MSMO1: variants seen among roughly 807,000 people sequenced by gnomAD.
The protein encoded by MSMO1 is C-4 methylsterol oxidase.
Under a neutral mutation model 30.4 loss-of-function variants are expected in MSMO1, and 18 were observed. That is an observed-to-expected ratio of 0.59 (90% CI 0.41 to 0.88). The LOEUF (loss-of-function observed/expected upper bound fraction) is 0.88, where lower values mean the gene tolerates loss of function less well. Among genes scored for constraint, MSMO1 ranks in the 40% least tolerant of loss-of-function variants. The pLI is 0.00. For synonymous variants in MSMO1, 84 were observed against 107.9 expected (o/e 0.78, Z 1.37); for missense variants, 284 against 340.5 (o/e 0.83, Z 1.31).
chr4:165,338,372 C>T (rs1211976826), intron 3 of MSMO1, among the ~76,000 whole-genome samples: 1 of 151,144 alleles, frequency 6.6e-6, no homozygotes, highest in African/African-American at 2.4e-5. Context: ...ACTCATGCGT[C>T]ACTTAACGGA....
chr4:165,327,809 AG>A (rs1747278305), intron 1 of MSMO1, 45 bp downstream of exon 1: 1 of 152,176 alleles, frequency 6.6e-6, no homozygotes. Context: ...AAGGGGGAGC[AG>A]GCGGGCTCCC....
chr4:165,330,890 T>G (rs752147535), intron 1 of MSMO1, among the ~76,000 whole-genome samples: 6 of 152,164 alleles, frequency 3.9e-5, no homozygotes, highest in Admixed American at 6.5e-5. Flanking sequence ...CATGCCCAGC[T>G]GAGTTAAGCA....
rs112289340 is a variant in MSMO1 at position 165,331,585 on chromosome 4, G to C, written c.-31-1755G>C. ...AGGAGGACGGCCTGAAGTGAATTCA[G>C]ATGCCTGGAGGAGTTGGCTAGGTTC... On this transcript the variant is annotated intron_variant, in intron 1 of 5. Coordinates refer to ENST00000261507, the MANE Select transcript of MSMO1 (RefSeq NM_006745.5). Among the ~76,000 whole-genome samples the C allele has an allele frequency of 4.3e-3, 651 of 152,316 alleles. 8 individuals carry two copies. Among genetic ancestry groups the C allele is most frequent in the East Asian group, 0.034 (178 of 5,174 alleles).
At chr4:165,338,815 G>A in intron 4 of MSMO1, 37 bp downstream of exon 4, 2 of 1,522,734 alleles carry the variant, frequency 1.3e-6, no homozygotes, top group Non-Finnish European at 1.8e-6. Context: ...TCTGTTAGAG[G>A]CAAAATGTCT....
intron 2 of MSMO1, 22 bp from the exon 3 acceptor site, chr4:165,337,767 A>G (rs1241902783): frequency 1.9e-6 from 3 of 1,611,792 alleles, no homozygotes; most frequent in African/African-American, 1.3e-5. Flanking sequence ...CTAATATTAG[A>G]TATTGTGATT....
At chr4:165,334,179 G>A (rs7670057) in intron 2 of MSMO1, among the ~76,000 whole-genome samples, 36,310 of 152,030 alleles carry the variant, frequency 0.24, 5,141 homozygotes, top group South Asian at 0.42. Flanking sequence ...TTGCAATTCC[G>A]TGTGTATTTT....
At chr4:165,340,766 A>G (rs1019601731) in intron 5 of MSMO1, 3 of 169,182 alleles carry the variant, frequency 1.8e-5, no homozygotes, top group African/African-American at 7.2e-5. Flanking sequence ...CTTGTAACAC[A>G]TACATATTTC....
chr4:165,333,275 T>C (rs1747448872), intron 1 of MSMO1, 65 bp from the exon 2 acceptor site: 2 of 1,367,038 alleles, frequency 1.5e-6, no homozygotes, highest in Non-Finnish European at 2.0e-6. Flanking sequence ...AGGATGCATT[T>C]TTTAACTGTT....
Position 165,340,717 on chromosome 4 carries a change from T to C in MSMO1, c.686+342T>C, listed in dbSNP as rs1188790225. ...GAATAAGACTTTCTAATCTCTACTGTTCAGCACTGATAAAGGCACTTGCAA... is the reference window on the plus strand; with the variant it reads ...GAATAAGACTTTCTAATCTCTACTGCTCAGCACTGATAAAGGCACTTGCAA... On this transcript the variant is annotated intron_variant, in intron 5 of 5. Transcript: ENST00000261507. 2.1e-5 allele frequency: 5 copies of C among 239,544 alleles called. No homozygotes were observed. The East Asian group carries it at 5.1e-4, about 24-fold the overall frequency. 14.8% of individuals were successfully genotyped at this position (239,544 alleles called of 1,614,324 possible). A position where few individuals can be genotyped will look rare whatever the true frequency, so the allele number is the denominator to read the frequency against.
chr4:165,331,598 G>A (rs1230980985), intron 1 of MSMO1, among the ~76,000 whole-genome samples: 1 of 152,182 alleles, frequency 6.6e-6, no homozygotes, highest in Non-Finnish European at 1.5e-5. Context: ...GCCTGGAGGA[G>A]TTGGCTAGGT....
intron 1 of MSMO1, among the ~76,000 whole-genome samples, chr4:165,331,141 C>CA (rs914557681): frequency 6.6e-6 from 1 of 151,570 alleles, no homozygotes; most frequent in Non-Finnish European, 1.5e-5. Context: ...CCTGTCTCCA[C>CA]AAAAAATTAA....
intron 1 of MSMO1, among the ~76,000 whole-genome samples, chr4:165,328,947 C>T (rs1560845292): frequency 6.6e-6 from 1 of 152,178 alleles, no homozygotes; most frequent in Non-Finnish European, 1.5e-5. Flanking sequence ...GGAGCACATA[C>T]TGAACCTTTG....
rs767747197 is a variant in MSMO1, at chr4:165,333,437, C to G, written c.67C>G (p.Leu23Val). The G allele has an allele frequency of 2.3e-5, 37 of 1,612,132 alleles. No homozygotes were observed. The East Asian group carries it at 8.3e-4, about 36-fold the overall frequency. Residue 23 changes from leucine (L) to valine (V), a missense_variant, in exon 2 of 6, where the codon CTT (leucine) becomes GTT (valine). Leu to Val is a conservative substitution (Grantham distance 32). Transcript: ENST00000261507. The stretch of plus-strand genomic sequence containing the variant: ...CTTGGCTGTGGAATATGTAGATTCA[C>G]TTTTACCTGAGAATCCTCTGCAAGA... ...ASLAVEYVDS[L>V]LPENPLQEPF... is the part of the protein sequence containing the mutation.
chr4:165,339,688 A>G (rs781197904), intron 4 of MSMO1, among the ~76,000 whole-genome samples: 9 of 152,168 alleles, frequency 5.9e-5, no homozygotes, highest in Non-Finnish European at 1.0e-4. Flanking sequence ...ATCACTACAT[A>G]TAGAATCAAT....
intron 1 of MSMO1, among the ~76,000 whole-genome samples, chr4:165,331,874 A>G (rs892187140): frequency 5.3e-5 from 8 of 152,162 alleles, no homozygotes; most frequent in Non-Finnish European, 1.0e-4. Flanking sequence ...AAATTGTGCA[A>G]AAGACATATG....
Position 165,338,650 on chromosome 4 carries a change from AGGTATTTTCTTTT to A in MSMO1, c.406_418del (p.Tyr136GlnfsTer54). 6.2e-7 allele frequency: 1 copy of A among 1,607,512 alleles called. No homozygotes were observed. Among genetic ancestry groups the A allele is most frequent in the Non-Finnish European group, 8.5e-7 (1 of 1,174,164 alleles). ...ACACATTACAACATTTTTATCTTAAAGGTATTTTCTTTTGGCAAGATGCTTTGGTTGTGCAGTC... is the reference window on the plus strand; with the variant it reads ...ACACATTACAACATTTTTATCTTAAAGGCAAGATGCTTTGGTTGTGCAGTC... On this transcript the variant is annotated splice_acceptor_variant and coding_sequence_variant, in exon 4 of 6. Coordinates refer to ENST00000261507, the MANE Select transcript of MSMO1 (RefSeq NM_006745.5). LOFTEE classifies it high-confidence loss of function.
At position 165,342,098 on chromosome 4, in the gene MSMO1, G is replaced by T. The variant is rs568599589; in HGVS notation, c.*152G>T. The T allele has an allele frequency of 9.3e-6, 6 of 648,050 alleles. No individual in the cohort carries two copies. In the East Asian group the frequency reaches 1.7e-4, roughly 18 times the overall value. The allele number at this position is 648,050 out of a possible 1,614,324, so 40.1% of individuals were successfully genotyped here. ...CAACCTTTAATTACCTTCCTAGTGGGAACTTTTTCTACTTTACCTACAAGT... is the reference window on the plus strand; with the variant it reads ...CAACCTTTAATTACCTTCCTAGTGGTAACTTTTTCTACTTTACCTACAAGT... On this transcript the variant is annotated 3_prime_UTR_variant, in exon 6 of 6. Transcript: ENST00000261507.
At chr4:165,328,049 G>A (rs1747287130) in intron 1 of MSMO1, 1 of 152,410 alleles carries the variant, frequency 6.6e-6, no homozygotes, top group Admixed American at 6.5e-5. Context: ...CGGGAGACAG[G>A]ACGTAGAAGA....
rs1048149148 is a variant in MSMO1 at position 165,342,440 on chromosome 4, C to G, written c.*494C>G. The G allele has an allele frequency of 6.6e-6, 1 of 152,416 alleles. No individual in the cohort carries two copies. The highest frequency in any genetic ancestry group is 1.9e-4 in the East Asian group (1 of 5,196). The allele number at this position is 152,416 out of a possible 1,614,324, so 9.4% of individuals were successfully genotyped here. A position where few individuals can be genotyped will look rare whatever the true frequency, so the allele number is the denominator to read the frequency against. On this transcript the variant is annotated 3_prime_UTR_variant, in exon 6 of 6. Transcript: ENST00000261507. ...GTGGCACAGTCTCAGCTCACTGCAA[C>G]CTCTGCCTCCCAGTTCAAGCAATTC...
Sources: allele counts gnomAD v4.1 joint callset (sites outside exome capture counted in the v4.1 genomes callset), GRCh38; gene constraint gnomAD v4.1.1; transcripts MANE v1.5; gene names NCBI Gene and HGNC (gene_info 2026-07-23, HGNC 2026-07-21).